SF3B3: variants seen among roughly 807,000 people sequenced by gnomAD.
SF3B3 encodes the protein SAP 130.
SF3B3 carries 33 observed loss-of-function variants against 139.2 expected under a neutral mutation model. The observed-to-expected ratio is 0.24, with a 90% CI of 0.18 to 0.32. The LOEUF is 0.32. Among genes scored for constraint, SF3B3 ranks in the 10% least tolerant of loss-of-function variants. SF3B3 has a pLI of 1.00. For missense variants in SF3B3, 818 were observed against 1,509.4 expected (o/e 0.54, Z 7.59); for synonymous variants, 596 against 563.6 (o/e 1.06, Z -0.81).
At chr16:70,524,194 A>T (rs1263003050) in intron 1 of SF3B3, 1 of 249,164 alleles carries the variant, frequency 4.0e-6, no homozygotes, top group East Asian at 7.1e-5. Context: ...GAGACGGGGG[A>T]GGTGTGACAA....
At chr16:70,560,916 G>A (rs552949014) in intron 16 of SF3B3, among the ~76,000 whole-genome samples, 3 of 152,254 alleles carry the variant, frequency 2.0e-5, no homozygotes, top group Middle Eastern at 3.4e-3. Context: ...TCAGTGTCAC[G>A]TTTACTACCT....
chr16:70,556,030 G>C (rs984763413), intron 13 of SF3B3, 149 bp from the exon 14 acceptor site: 2 of 707,714 alleles, frequency 2.8e-6, no homozygotes, highest in Middle Eastern at 3.8e-4. Context: ...ATAAATTCTT[G>C]TCATTTACTA....
chr16:70,532,427 A>AG (rs1355296541), intron 4 of SF3B3, 52 bp from the exon 5 acceptor site: 22 of 1,567,282 alleles, frequency 1.4e-5, no homozygotes, highest in Non-Finnish European at 1.9e-5. Context: ...TGTCCTTTCC[A>AG]GATCTTCGAT....
At chr16:70,568,102 A>G (rs1258853542) in intron 21 of SF3B3, among the ~76,000 whole-genome samples, 181 bp from the exon 22 acceptor site, 5 of 152,124 alleles carry the variant, frequency 3.3e-5, no homozygotes, top group Non-Finnish European at 7.4e-5. Flanking sequence ...TTAGGCATAT[A>G]TTTGCACTAT....
chr16:70,556,394 A>G, intron 14 of SF3B3, 60 bp downstream of exon 14: 6 of 1,584,638 alleles, frequency 3.8e-6, no homozygotes, highest in South Asian at 1.1e-5. Flanking sequence ...CTGGCTCCTG[A>G]TGTCTATCTC....
intron 3 of SF3B3, 131 bp downstream of exon 3, chr16:70,529,330 A>T: frequency 1.4e-6 from 1 of 710,650 alleles, no homozygotes; most frequent in Non-Finnish European, 2.3e-6. Context: ...CTAGGTTTAA[A>T]GTTGCATTTC....
At chr16:70,539,360 C>T (rs1304063580) in intron 8 of SF3B3, among the ~76,000 whole-genome samples, 153 bp downstream of exon 8, 3 of 151,992 alleles carry the variant, frequency 2.0e-5, no homozygotes, top group Non-Finnish European at 2.9e-5. Flanking sequence ...CCAGCCTGGC[C>T]AACATGGTGA....
intron 16 of SF3B3, 166 bp from the exon 17 acceptor site, chr16:70,561,464 G>A (rs997244731): frequency 9.6e-6 from 6 of 622,392 alleles, no homozygotes; most frequent in African/African-American, 1.8e-5. Context: ...CTAAGCCATA[G>A]TGCCTCTCTC....
At chr16:70,552,691 A>G (rs964580606) in intron 11 of SF3B3, among the ~76,000 whole-genome samples, 4 of 152,220 alleles carry the variant, frequency 2.6e-5, no homozygotes, top group Non-Finnish European at 4.4e-5. Flanking sequence ...CCCATTGGGA[A>G]AGATCTTTAA....
Position 70,541,650 on chromosome 16 carries a change from C to T in SF3B3, c.1068-19C>T. On this transcript the variant is annotated intron_variant, in intron 8 of 25. Transcript: ENST00000302516. ...AGAGAACTCGTTACCGAAAGTTTCT[C>T]TCCTCTGCTTCTTCCCAGTTACTTA... 6.2e-7 allele frequency: 1 copy of T among 1,607,186 alleles called. No homozygotes were observed. The highest frequency in any genetic ancestry group is 8.5e-7 in the Non-Finnish European group (1 of 1,175,348).
At chr16:70,563,624 T>G in intron 17 of SF3B3, 1 of 400,210 alleles carries the variant, frequency 2.5e-6, no homozygotes, top group Non-Finnish European at 4.5e-6. Flanking sequence ...TTGACAATCG[T>G]TTGTGTTTCA....
chr16:70,555,977 C>T (rs1384400535), intron 13 of SF3B3, among the ~76,000 whole-genome samples: 1 of 152,150 alleles, frequency 6.6e-6, no homozygotes, highest in Non-Finnish European at 1.5e-5. Context: ...ACTCATTTTG[C>T]TTGCTGTGAG....
At chr16:70,564,092 G>A in intron 18 of SF3B3, 42 bp downstream of exon 18, 4 of 1,591,962 alleles carry the variant, frequency 2.5e-6, no homozygotes, top group Non-Finnish European at 3.4e-6. Flanking sequence ...AAAGATGTGT[G>A]AAATTATGTT....
chr16:70,545,587 A>G (rs749512406), intron 10 of SF3B3, among the ~76,000 whole-genome samples: 16 of 152,320 alleles, frequency 1.1e-4, no homozygotes, highest in South Asian at 8.3e-4. Flanking sequence ...AGCTTCCTAT[A>G]ACAGTTTGTT....
chr16:70,557,704 A>G (rs2050391430), intron 15 of SF3B3, among the ~76,000 whole-genome samples: 2 of 151,834 alleles, frequency 1.3e-5, no homozygotes, highest in Admixed American at 1.3e-4. Flanking sequence ...GGGCTGCCAC[A>G]TGGGTTTTCG....
Position 70,532,516 on chromosome 16 carries a change from A to G in SF3B3, c.608A>G (p.Asn203Ser), listed in dbSNP as rs112398112. 2 of 1,614,170 alleles carry G rather than the reference A, an allele frequency of 1.2e-6. No individual in the cohort carries two copies. The highest frequency in any genetic ancestry group is 2.7e-5 in the African/African-American group (2 of 75,046). The change falls in exon 5 of 26, where the codon AAT becomes AGT. Residue 203 changes from asparagine (N) to serine (S), a missense_variant. By Grantham distance (46) the Asn-to-Ser change is conservative. This residue lies in a region of SF3B3 where 144 missense variants were observed against 259.2 expected (regional missense o/e 0.56). Coordinates refer to ENST00000302516, the MANE Select transcript of SF3B3 (RefSeq NM_012426.5). The part of the protein sequence containing the change: ...DNDPTGEAAA[N>S]TQQTLTFYEL... ...GATCCAACAGGGGAAGCAGCAGCTA[A>G]TACCCAGCAGACACTTACTTTCTAT...
Position 70,563,747 on chromosome 16 carries a change from T to C in SF3B3, c.2289-129T>C. The C allele has an allele frequency of 9.9e-6, 8 of 810,620 alleles. No homozygotes were observed. The South Asian group carries it at 1.4e-4, about 14-fold the overall frequency. 50.2% of individuals were successfully genotyped at this position (810,620 alleles called of 1,614,324 possible). A position where few individuals can be genotyped will look rare whatever the true frequency, so the allele number is the denominator to read the frequency against. On this transcript the variant is annotated intron_variant, in intron 17 of 25. Transcript: ENST00000302516. The stretch of plus-strand genomic sequence containing the variant: ...GTTTTCTAGAGTAGGAGGCTGTTGT[T>C]TAATGTTGCCTAATGCCAACGTTAG...
chr16:70,530,075 G>C (rs936988471), intron 3 of SF3B3, among the ~76,000 whole-genome samples: 1 of 151,364 alleles, frequency 6.6e-6, no homozygotes, highest in African/African-American at 2.4e-5. Context: ...GCAGTGAGCC[G>C]AGATAGCGCT....
intron 20 of SF3B3, 128 bp from the exon 21 acceptor site, chr16:70,567,283 C>G: frequency 9.7e-7 from 1 of 1,026,088 alleles, no homozygotes; most frequent in Non-Finnish European, 1.4e-6. Context: ...GATTCATTAG[C>G]AAAATAAGCT....
Sources: gnomAD v4.1 joint callset for allele counts (sites outside exome capture counted in the v4.1 genomes callset) on GRCh38, gnomAD v4.1.1 for gene constraint, gnomAD v4.1.1 regional missense constraint, MANE v1.5 for transcripts, NCBI Gene and HGNC (gene_info 2026-07-23, HGNC 2026-07-21) for gene names.